ABAT: variants seen among roughly 807,000 people sequenced by gnomAD.
The protein encoded by ABAT is 4-aminobutyrate aminotransferase.
In ABAT, 45 loss-of-function variants were observed where a neutral mutation model predicts 64.6. The ratio of observed to expected loss-of-function variants is 0.70; its 90% CI spans 0.55 to 0.89. The LOEUF (loss-of-function observed/expected upper bound fraction) is 0.89, where lower values mean the gene tolerates loss of function less well. Ranked by LOEUF, ABAT falls within the 40% of genes least tolerant of loss-of-function variation. ABAT has a pLI of 0.00. For missense variants in ABAT, 633 were observed against 658.4 expected, an observed-to-expected ratio of 0.96 and a Z score of 0.42; for synonymous variants, 297 against 250.5, an observed-to-expected ratio of 1.19 and a Z score of -1.75.
intron 1 of ABAT, among the ~76,000 whole-genome samples, chr16:8,733,580 G>C (rs1024821274): frequency 2.0e-5 from 3 of 151,924 alleles, no homozygotes; most frequent in African/African-American, 7.3e-5. Flanking sequence ...CTGTAATCCC[G>C]GCACCTCGGG....
chr16:8,701,993 G>A (rs1442784170), intron 1 of ABAT, among the ~76,000 whole-genome samples: 1 of 151,890 alleles, frequency 6.6e-6, no homozygotes, highest in Non-Finnish European at 1.5e-5. Flanking sequence ...CAGGCCTCCT[G>A]GAGGCCACTC....
intron 2 of ABAT, chr16:8,737,598 C>G (rs1333951820): frequency 1.3e-5 from 2 of 151,978 alleles, no homozygotes; most frequent in Non-Finnish European, 2.9e-5. Context: ...TTGTTAACAT[C>G]TTACATCACC....
Position 8,776,598 on chromosome 16 carries a change from G to T in ABAT, c.1269+108G>T. 8.3e-7 allele frequency: 1 copy of T among 1,208,362 alleles called. No homozygotes were observed. Among genetic ancestry groups the T allele is most frequent in the East Asian group, 2.5e-5 (1 of 39,352 alleles). The allele number at this position is 1,208,362 out of a possible 1,614,324, so 74.9% of individuals were successfully genotyped here. A position where few individuals can be genotyped will look rare whatever the true frequency, so the allele number is the denominator to read the frequency against. On this transcript the variant is annotated intron_variant, in intron 14 of 15. Coordinates refer to ENST00000268251, the MANE Select transcript of ABAT (RefSeq NM_020686.6). The surrounding 1 kb of genome is among the most constrained non-coding windows in gnomAD (Gnocchi z 4.4). ...TGGTGTTGTGCCTGCTGTTCCAGCA[G>T]TTCGTAACGGGCTGTGCTGCTCCTA...
rs2142998608 is a variant in ABAT at position 8,776,620 on chromosome 16, C to T, written c.1269+130C>T. On this transcript the variant is annotated intron_variant, in intron 14 of 15. Coordinates refer to ENST00000268251, the MANE Select transcript of ABAT (RefSeq NM_020686.6). This position sits in a 1 kb window ranked among gnomAD's most constrained non-coding sequence, Gnocchi z 4.4. ...GCAGTTCGTAACGGGCTGTGCTGCTCCTAGCCTTGGGGGCTTTGCACATGC... is the reference window on the plus strand; with the variant it reads ...GCAGTTCGTAACGGGCTGTGCTGCTTCTAGCCTTGGGGGCTTTGCACATGC... 9.8e-7 allele frequency: 1 copy of T among 1,025,514 alleles called. No individual in the cohort carries two copies. The highest frequency in any genetic ancestry group is 1.4e-5 in the South Asian group (1 of 70,626). The allele number at this position is 1,025,514 out of a possible 1,614,324, so 63.5% of individuals were successfully genotyped here.
At chr16:8,728,984 G>A (rs975631067) in intron 1 of ABAT, among the ~76,000 whole-genome samples, 3 of 152,110 alleles carry the variant, frequency 2.0e-5, no homozygotes, top group Non-Finnish European at 4.4e-5. Context: ...TGTGAACTAC[G>A]TCATTTTTAT....
intron 6 of ABAT, 70 bp downstream of exon 6, chr16:8,757,876 C>T: frequency 2.0e-6 from 3 of 1,505,188 alleles, no homozygotes; most frequent in South Asian, 2.3e-5. Flanking sequence ...ACTGGGCAGA[C>T]TTTGGCAATA....
At position 8,783,832 on chromosome 16, in the gene ABAT, G is replaced by A. The variant is rs2060491641; in HGVS notation, c.*2402G>A. On this transcript the variant is annotated 3_prime_UTR_variant, in exon 16 of 16. Transcript: ENST00000268251. ...GTTCTCTCCCCATGGGGCACTGACA[G>A]AGAAATGAAATAGTTTTATCTGGAA... The A allele has an allele frequency of 6.6e-6, 1 of 152,178 alleles. No individual in the cohort carries two copies. The highest frequency in any genetic ancestry group is 1.5e-5 in the Non-Finnish European group (1 of 68,032). 9.4% of individuals were successfully genotyped at this position (152,178 alleles called of 1,614,324 possible). A position where few individuals can be genotyped will look rare whatever the true frequency, so the allele number is the denominator to read the frequency against.
chr16:8,700,848 A>G (rs1369731644), intron 1 of ABAT, among the ~76,000 whole-genome samples: 1 of 150,976 alleles, frequency 6.6e-6, no homozygotes, highest in Non-Finnish European at 1.5e-5. Context: ...TCAAGCAGTC[A>G]TCCTGCCTCA....
In ABAT at chr16:8,764,645, T is replaced by C. The variant is rs1262294314; in HGVS notation, c.448-93T>C. Reference sequence around the variant, plus strand: ...CAGCCCTGGTTCTGTCTGTCCCCGGTACGGCCCCTGCGAAGATTCAGCTCC... The same window carrying C: ...CAGCCCTGGTTCTGTCTGTCCCCGGCACGGCCCCTGCGAAGATTCAGCTCC... On this transcript the variant is annotated intron_variant, in intron 7 of 15. Coordinates refer to ENST00000268251, the MANE Select transcript of ABAT (RefSeq NM_020686.6). The surrounding 1 kb of genome is among the most constrained non-coding windows in gnomAD (Gnocchi z 4.2). 39 of 1,207,466 alleles carry C rather than the reference T, an allele frequency of 3.2e-5. No homozygotes were observed. Among genetic ancestry groups the C allele is most frequent in the Non-Finnish European group, 4.2e-5 (34 of 816,520 alleles). The allele number at this position is 1,207,466 out of a possible 1,614,324, so 74.8% of individuals were successfully genotyped here. A position where few individuals can be genotyped will look rare whatever the true frequency, so the allele number is the denominator to read the frequency against.
chr16:8,729,479 TCCTATAGA>T (rs1240469848), intron 1 of ABAT, among the ~76,000 whole-genome samples: 10 of 152,102 alleles, frequency 6.6e-5, no homozygotes, highest in African/African-American at 2.2e-4. Context: ...ATTACCCTAC[TCCTATAGA>T]TGTTTGAGCA....
chr16:8,733,693 A>T (rs952803401), intron 1 of ABAT, among the ~76,000 whole-genome samples: 2 of 151,840 alleles, frequency 1.3e-5, no homozygotes, highest in Non-Finnish European at 2.9e-5. Flanking sequence ...TGGCGGCGTG[A>T]GGCTGCAATC....
intron 1 of ABAT, among the ~76,000 whole-genome samples, chr16:8,701,898 C>T (rs376072356): frequency 7.3e-6 from 1 of 137,646 alleles, no homozygotes; most frequent in African/African-American, 2.8e-5. Flanking sequence ...CAAGGAACCA[C>T]GAGGGGGCCA....
intron 1 of ABAT, among the ~76,000 whole-genome samples, chr16:8,723,983 G>C (rs894848640): frequency 2.0e-5 from 3 of 151,196 alleles, no homozygotes; most frequent in Non-Finnish European, 4.4e-5. Context: ...TGGGATTACA[G>C]GTGCACGCCA....
At chr16:8,722,713 C>T (rs1439055202) in intron 1 of ABAT, 7 of 829,506 alleles carry the variant, frequency 8.4e-6, no homozygotes, top group African/African-American at 7.1e-5. Flanking sequence ...CGTGCCAGTG[C>T]TCTGAAAGCA....
chr16:8,732,335 G>C (rs2058751134), intron 1 of ABAT, among the ~76,000 whole-genome samples: 1 of 150,498 alleles, frequency 6.6e-6, no homozygotes. Context: ...AGTGAACAAA[G>C]GTCTCTGGTT....
rs2059886424 is a variant in ABAT, at chr16:8,764,486, G to C, written c.448-252G>C. Among the ~76,000 whole-genome samples, 1 of 152,184 alleles carries C rather than the reference G, an allele frequency of 6.6e-6. No homozygotes were observed. The highest frequency in any genetic ancestry group is 2.1e-4 in the South Asian group (1 of 4,826). On this transcript the variant is annotated intron_variant, in intron 7 of 15. Transcript: ENST00000268251. The surrounding 1 kb of genome is among the most constrained non-coding windows in gnomAD (Gnocchi z 4.2). ...CCGCCTGGAACGTGTAGGTGTCTTAGACAGTGGCAGGTGCATCAGGAGTGG... is the reference window on the plus strand; with the variant it reads ...CCGCCTGGAACGTGTAGGTGTCTTACACAGTGGCAGGTGCATCAGGAGTGG...
chr16:8,676,218 G>A (rs920427839), intron 1 of ABAT, among the ~76,000 whole-genome samples: 9 of 152,108 alleles, frequency 5.9e-5, no homozygotes, highest in Non-Finnish European at 1.3e-4. Flanking sequence ...GGTCCAGTCT[G>A]GAGTCCTAAG....
At chr16:8,733,974 CT>C (rs1223628593) in intron 1 of ABAT, among the ~76,000 whole-genome samples, 3 of 152,288 alleles carry the variant, frequency 2.0e-5, no homozygotes, top group African/African-American at 7.2e-5. Context: ...GGATTTCCTC[CT>C]TTTTTAAGGC....
At chr16:8,705,115 A>C (rs764691508) in intron 1 of ABAT, among the ~76,000 whole-genome samples, 3 of 152,096 alleles carry the variant, frequency 2.0e-5, no homozygotes, top group Non-Finnish European at 4.4e-5. Context: ...TCACACTACT[A>C]TAAAGATACT....
Sources: gnomAD v4.1 joint callset for allele counts (sites outside exome capture counted in the v4.1 genomes callset) on GRCh38, gnomAD v4.1.1 for gene constraint, Gnocchi (gnomAD v3.1) non-coding constraint, MANE v1.5 for transcripts, NCBI Gene and HGNC (gene_info 2026-07-23, HGNC 2026-07-21) for gene names.